Variants in SLC38A4 observed in about 807,000 individuals in gnomAD.
SLC38A4 encodes the protein solute carrier family 38 member 4.
SLC38A4 carries 20 observed loss-of-function variants against 63.1 expected under a neutral mutation model. The observed-to-expected ratio is 0.32, with a 90% CI of 0.22 to 0.46. SLC38A4 has a LOEUF of 0.46. Ranked by LOEUF, SLC38A4 falls within the 20% of genes least tolerant of loss-of-function variation. SLC38A4 has a pLI of 1.00. For synonymous variants in SLC38A4, 230 were observed against 225.5 expected (o/e 1.02, Z -0.18); for missense variants, 526 against 663.6 (o/e 0.79, Z 2.28).
At chr12:46,816,995 G>A (rs1249369867) in intron 1 of SLC38A4, among the ~76,000 whole-genome samples, 2 of 151,756 alleles carry the variant, frequency 1.3e-5, no homozygotes, top group East Asian at 3.9e-4. Context: ...TTCCTGAAAA[G>A]TCCATGACCG....
intron 1 of SLC38A4, among the ~76,000 whole-genome samples, chr12:46,821,565 T>C (rs1383963264): frequency 1.3e-5 from 2 of 152,072 alleles, no homozygotes; most frequent in Non-Finnish European, 2.9e-5. Context: ...TCTTGTTTGT[T>C]TTTTGGTACC....
At position 46,816,092 on chromosome 12, in the gene SLC38A4, C is replaced by T. The variant is rs574944105; in HGVS notation, c.-305+9811G>A. On this transcript the variant is annotated intron_variant, in intron 1 of 16. Transcript: ENST00000266579. Reference sequence around the variant, plus strand: ...CAATGTCTGCAACACAAAGAGTATACGTGTTTCTAAGATAAAGAAAACTTT... The same window carrying T: ...CAATGTCTGCAACACAAAGAGTATATGTGTTTCTAAGATAAAGAAAACTTT... 6.6e-5 allele frequency among the ~76,000 whole-genome samples: 10 copies of T among 151,842 alleles called. 1 individual carries two copies. The highest frequency in any genetic ancestry group is 4.1e-4 in the South Asian group (2 of 4,824).
At chr12:46,821,757 A>G (rs993140262) in intron 1 of SLC38A4, among the ~76,000 whole-genome samples, 2 of 152,126 alleles carry the variant, frequency 1.3e-5, no homozygotes, top group Non-Finnish European at 2.9e-5. Context: ...TGAGGACAGC[A>G]TCGAATTTGT....
chr12:46,816,104 A>T (rs1445542411), intron 1 of SLC38A4, among the ~76,000 whole-genome samples: 1 of 151,976 alleles, frequency 6.6e-6, no homozygotes, highest in Non-Finnish European at 1.5e-5. Context: ...TGTTTCTAAG[A>T]TAAAGAAAAC....
chr12:46,788,684 T>C, intron 3 of SLC38A4, 66 bp from the exon 4 acceptor site: 5 of 1,390,286 alleles, frequency 3.6e-6, no homozygotes, highest in Non-Finnish European at 5.0e-6. Context: ...ATCATATGTA[T>C]GTTTCAGGTG....
chr12:46,825,313 TTATATA>T (rs34878223), intron 1 of SLC38A4, among the ~76,000 whole-genome samples: 1 of 140,444 alleles, frequency 7.1e-6, no homozygotes, highest in African/African-American at 2.6e-5. Flanking sequence ...TATACAAAGT[TTATATA>T]TATATATATA....
intron 1 of SLC38A4, among the ~76,000 whole-genome samples, chr12:46,805,284 GT>G (rs1337173573): frequency 6.6e-6 from 1 of 151,916 alleles, no homozygotes; most frequent in Non-Finnish European, 1.5e-5. Flanking sequence ...GTTTAATCAT[GT>G]TTCTTTTAAA....
At chr12:46,803,092 C>A (rs1263768583) in intron 2 of SLC38A4, among the ~76,000 whole-genome samples, 1 of 152,004 alleles carries the variant, frequency 6.6e-6, no homozygotes, top group Non-Finnish European at 1.5e-5. Context: ...GATAATGGTA[C>A]AGCCCAAACT....
Position 46,764,764 on chromosome 12 carries a change from A to T in SLC38A4, c.*1937T>A, listed in dbSNP as rs1267164142. The T allele has an allele frequency of 6.6e-6, 1 of 152,246 alleles. No individual in the cohort carries two copies. The highest frequency in any genetic ancestry group is 6.5e-5 in the Admixed American group (1 of 15,270). The allele number at this position is 152,246 out of a possible 1,614,324, so 9.4% of individuals were successfully genotyped here. A position where few individuals can be genotyped will look rare whatever the true frequency, so the allele number is the denominator to read the frequency against. On this transcript the variant is annotated 3_prime_UTR_variant, in exon 17 of 17. Transcript: ENST00000266579. The stretch of plus-strand genomic sequence containing the variant: ...ATAGATCAAAAATCACATCATAGTC[A>T]TTTGAAAAGTTCATTTATTATATAC...
At chr12:46,811,785 G>C (rs1344105758) in intron 1 of SLC38A4, among the ~76,000 whole-genome samples, 1 of 151,884 alleles carries the variant, frequency 6.6e-6, no homozygotes, top group Admixed American at 6.6e-5. Context: ...CCTCTGCTTT[G>C]TGTTTGGACC....
chr12:46,814,981 G>A (rs1939409621), intron 1 of SLC38A4, among the ~76,000 whole-genome samples: 1 of 151,744 alleles, frequency 6.6e-6, no homozygotes, highest in Non-Finnish European at 1.5e-5. Context: ...TTGAGATTTA[G>A]AAATGAGGAG....
intron 5 of SLC38A4, among the ~76,000 whole-genome samples, chr12:46,785,714 G>A (rs1394449075): frequency 6.9e-6 from 1 of 144,200 alleles, no homozygotes; most frequent in Non-Finnish European, 1.5e-5. Context: ...AGCAGAGAAA[G>A]CTAAGGATGG....
chr12:46,787,820 C>T, intron 5 of SLC38A4, 96 bp downstream of exon 5: 1 of 855,756 alleles, frequency 1.2e-6, no homozygotes, highest in Non-Finnish European at 1.8e-6. Flanking sequence ...TCTGAGTCTT[C>T]ACGTTCACAA....
At chr12:46,812,584 T>C (rs1939362552) in intron 1 of SLC38A4, among the ~76,000 whole-genome samples, 1 of 152,044 alleles carries the variant, frequency 6.6e-6, no homozygotes, top group South Asian at 2.1e-4. Context: ...AAATAGTATA[T>C]AGTTCCTAGG....
chr12:46,768,397 A>C lies in SLC38A4; in HGVS notation c.1455T>G (p.Ser485=). 6.2e-7 allele frequency: 1 copy of C among 1,609,910 alleles called. No homozygotes were observed. Among genetic ancestry groups the C allele is most frequent in the South Asian group, 1.1e-5 (1 of 90,660 alleles). ...GAAGAATAAAAATCAGCATAGTGGC[A>C]GAAGAAGCCCCTGAGAAGACAAACA... ...KYIFGFIGAS[S]ATMLIFILPA... is the part of the protein sequence containing the mutation. The change falls in exon 16 of 17, where the codon TCT becomes TCG. Residue 485 remains serine, a synonymous_variant. Coordinates refer to ENST00000266579, the MANE Select transcript of SLC38A4 (RefSeq NM_018018.5).
chr12:46,827,858 C>A (rs945690731), upstream of SLC38A4, among the ~76,000 whole-genome samples: 61 of 152,086 alleles, frequency 4.0e-4, no homozygotes, highest in Middle Eastern at 3.4e-3. Flanking sequence ...TAAAAGCAAT[C>A]AAAAAAGCTG....
chr12:46,768,741 A>G (rs1318049769), intron 15 of SLC38A4, among the ~76,000 whole-genome samples: 1 of 152,084 alleles, frequency 6.6e-6, no homozygotes, highest in East Asian at 1.9e-4. Context: ...TCCACCTCTT[A>G]CTTTGCAAGT....
chr12:46,769,236 T>C, intron 15 of SLC38A4, 48 bp downstream of exon 15: 1 of 1,602,336 alleles, frequency 6.2e-7, no homozygotes, highest in Non-Finnish European at 8.5e-7. Flanking sequence ...CATCATTTAA[T>C]GAGGCGTGAG....
intron 13 of SLC38A4, among the ~76,000 whole-genome samples, chr12:46,775,652 A>G (rs796440794): frequency 1.3e-5 from 2 of 152,028 alleles, no homozygotes; most frequent in African/African-American, 4.8e-5. Flanking sequence ...CTATGACTCC[A>G]TCACCACACT....
Sources: allele counts gnomAD v4.1 joint callset (sites outside exome capture counted in the v4.1 genomes callset), GRCh38; gene constraint gnomAD v4.1.1; transcripts MANE v1.5; gene names NCBI Gene and HGNC (gene_info 2026-07-23, HGNC 2026-07-21).